SLC5A4: variants seen among roughly 807,000 people sequenced by gnomAD.
The protein encoded by SLC5A4 is solute carrier family 5 member 4.
SLC5A4 carries 55 observed loss-of-function variants against 70.3 expected under a neutral mutation model. That is an observed-to-expected ratio of 0.78 (90% CI 0.63 to 0.98). SLC5A4 has a LOEUF of 0.98. Ranked by LOEUF, SLC5A4 falls within the 50% of genes least tolerant of loss-of-function variation. The probability of loss-of-function intolerance (pLI) is 0.00; values close to 1 mark genes in which losing one functional copy is unlikely to be tolerated. For synonymous variants in SLC5A4, 268 were observed against 305.7 expected (o/e 0.88, Z 1.29); for missense variants, 735 against 839.2 (o/e 0.88, Z 1.53).
At chr22:32,270,780 G>A in the SLC5A4 span, 1 of 614,700 alleles carries the variant, frequency 1.6e-6, no homozygotes, top group Admixed American at 2.1e-5. Context: ...TGGTCATCAT[G>A]AGTGCCGACG....
the SLC5A4 span, among the ~76,000 whole-genome samples, chr22:32,276,050 A>AT: frequency 7.2e-5 from 11 of 152,218 alleles, no homozygotes; most frequent in African/African-American, 2.4e-4. Context: ...CTTCGCCACA[A>AT]TTTTTTTAAA....
chr22:32,253,839 G>A (rs1426766007), intron 2 of SLC5A4, among the ~76,000 whole-genome samples: 1 of 151,724 alleles, frequency 6.6e-6, no homozygotes, highest in African/African-American at 2.4e-5. Flanking sequence ...GGAGTGCAGT[G>A]GTGTGATCTA....
chr22:32,326,197 A>AGCAGCG, the SLC5A4 span, among the ~76,000 whole-genome samples: 22 of 152,266 alleles, frequency 1.4e-4, no homozygotes, highest in East Asian at 1.9e-4. Flanking sequence ...TGTGTTCCCC[A>AGCAGCG]GCAGCGGCAG....
At chr22:32,267,323 C>T in the SLC5A4 span, among the ~76,000 whole-genome samples, 4 of 152,134 alleles carry the variant, frequency 2.6e-5, no homozygotes, top group African/African-American at 9.7e-5. Context: ...GGACACTCTA[C>T]ACAAAAACCC....
chr22:32,219,255 G>T (rs1198439734), intron 14 of SLC5A4, among the ~76,000 whole-genome samples: 2 of 152,190 alleles, frequency 1.3e-5, no homozygotes, highest in Non-Finnish European at 2.9e-5. Flanking sequence ...GTCCCCTATG[G>T]AGGGGAATTA....
chr22:32,304,544 G>C, the SLC5A4 span, among the ~76,000 whole-genome samples: 5 of 152,204 alleles, frequency 3.3e-5, no homozygotes, highest in African/African-American at 1.2e-4. Flanking sequence ...CTCCCAAATA[G>C]CTGGAATGAC....
the SLC5A4 span, among the ~76,000 whole-genome samples, chr22:32,308,316 T>A: frequency 2.2e-5 from 1 of 45,200 alleles, no homozygotes; most frequent in Non-Finnish European, 3.5e-5. Context: ...CCCATGTCCT[T>A]GAATGGCAGT....
chr22:32,272,863 T>C, the SLC5A4 span: 1 of 511,416 alleles, frequency 2.0e-6, no homozygotes, highest in South Asian at 1.5e-5. Flanking sequence ...GAAAACCTAC[T>C]GGAGGCTGCT....
chr22:32,222,824 CAT>C (rs1323996656), intron 13 of SLC5A4, among the ~76,000 whole-genome samples: 19 of 152,286 alleles, frequency 1.2e-4, no homozygotes, highest in South Asian at 4.1e-4. Flanking sequence ...AAAAGCTACA[CAT>C]GTTTAGTCAT....
upstream of SLC5A4, among the ~76,000 whole-genome samples, chr22:32,258,190 T>C (rs5998346): frequency 0.083 from 12,587 of 152,166 alleles, 866 homozygotes; most frequent in African/African-American, 0.19. Context: ...GGTTGTGTCA[T>C]GTTGGCCAGG....
At chr22:32,326,303 C>T in the SLC5A4 span, among the ~76,000 whole-genome samples, 12 of 146,040 alleles carry the variant, frequency 8.2e-5, no homozygotes, top group Admixed American at 7.6e-4. Context: ...GAGTCTCTGT[C>T]GCCCAGGCAA....
intron 2 of SLC5A4, among the ~76,000 whole-genome samples, chr22:32,252,229 CAAAA>C (rs35272467): frequency 5.5e-5 from 5 of 91,390 alleles, no homozygotes; most frequent in African/African-American, 3.7e-5. Context: ...GACTCTGTCT[CAAAA>C]AAAAAAAAAA....
chr22:32,330,944 A>AGGCCCTGGTGTGTATGTTGGG, the SLC5A4 span, among the ~76,000 whole-genome samples: 1 of 15,938 alleles, frequency 6.3e-5, no homozygotes, highest in Non-Finnish European at 9.7e-5. Flanking sequence ...TATGTGTTGG[A>AGGCCCTGGTGTGTATGTTGGG]GGCTCTGGTG....
intron 13 of SLC5A4, among the ~76,000 whole-genome samples, chr22:32,224,061 C>T (rs1249914963): frequency 6.6e-6 from 1 of 152,126 alleles, no homozygotes; most frequent in African/African-American, 2.4e-5. Context: ...GCTGGGATTA[C>T]AGGTGCCCAC....
intron 7 of SLC5A4, among the ~76,000 whole-genome samples, chr22:32,236,116 C>G (rs1383796519): frequency 1.3e-5 from 2 of 152,158 alleles, no homozygotes. Context: ...AAGAACAGCA[C>G]AGAAGTTCTG....
chr22:32,352,693 TTGCTGC>T, the SLC5A4 span, among the ~76,000 whole-genome samples: 2 of 152,110 alleles, frequency 1.3e-5, no homozygotes, highest in African/African-American at 4.8e-5. Context: ...GCCCCCAAAC[TTGCTGC>T]TGCTGCTGCC....
At chr22:32,353,724 C>G in the SLC5A4 span, among the ~76,000 whole-genome samples, 1 of 151,810 alleles carries the variant, frequency 6.6e-6, no homozygotes, top group Non-Finnish European at 1.5e-5. Context: ...CTGCAGCACC[C>G]AATGGCGCCC....
the SLC5A4 span, among the ~76,000 whole-genome samples, chr22:32,260,737 C>A: frequency 6.6e-6 from 1 of 152,080 alleles, no homozygotes; most frequent in African/African-American, 2.4e-5. Flanking sequence ...TATTAAAAAT[C>A]GGAAAACGGA....
At chr22:32,328,308 G>C in the SLC5A4 span, among the ~76,000 whole-genome samples, 80 of 152,034 alleles carry the variant, frequency 5.3e-4, no homozygotes, top group African/African-American at 1.8e-3. Flanking sequence ...CCCTCCTTTG[G>C]TACCCAAAGG....
Sources: allele counts gnomAD v4.1 joint callset (sites outside exome capture counted in the v4.1 genomes callset), GRCh38; gene constraint gnomAD v4.1.1; transcripts MANE v1.5; gene names NCBI Gene and HGNC (gene_info 2026-07-23, HGNC 2026-07-21).